The following DIP2A variants were observed in gnomAD, a reference collection of about 807,000 sequenced individuals.
DIP2A encodes disco-interacting protein 2 homolog A.
A neutral mutation model predicts 177.4 loss-of-function variants in DIP2A; 85 were observed. The observed-to-expected ratio is 0.48, with a 90% confidence interval of 0.40 to 0.57. The LOEUF is 0.57. DIP2A is among the 20% of genes least tolerant of loss of function. The probability of loss-of-function intolerance (pLI) is 0.00; values close to 1 mark genes in which losing one functional copy is unlikely to be tolerated. For missense variants in DIP2A, 1,791 were observed against 2,100.2 expected, an observed-to-expected ratio of 0.85 and a Z score of 2.88; for synonymous variants, 886 against 881.8, an observed-to-expected ratio of 1.00 and a Z score of -0.08.
chr21:46,473,147 C>A (rs2096640951), intron 1 of DIP2A, among the ~76,000 whole-genome samples: 1 of 152,034 alleles, frequency 6.6e-6, no homozygotes, highest in African/African-American at 2.4e-5. Context: ...CTGCTCTCGA[C>A]AAAGGAGAGA....
At chr21:46,509,012 C>T (rs910578272) in intron 6 of DIP2A, among the ~76,000 whole-genome samples, 4 of 151,590 alleles carry the variant, frequency 2.6e-5, no homozygotes, top group South Asian at 4.2e-4. Flanking sequence ...AGTGAGTCTC[C>T]GTCTAAAGCA....
intron 8 of DIP2A, among the ~76,000 whole-genome samples, chr21:46,523,393 A>ATTTTTTT (rs61370008): frequency 2.5e-3 from 229 of 89,852 alleles, no homozygotes; most frequent in Middle Eastern, 0.011. Flanking sequence ...CGCCTGGCTA[A>ATTTTTTT]TTTTTTTTTT....
the DIP2A span, among the ~76,000 whole-genome samples, chr21:46,583,219 A>T: frequency 6.6e-6 from 1 of 152,218 alleles, no homozygotes; most frequent in South Asian, 2.1e-4. Flanking sequence ...TATGCACCCA[A>T]CAACAAAACA....
Position 46,563,247 on chromosome 21 carries a change from A to G in DIP2A, c.4090-611A>G, listed in dbSNP as rs1601860526. Among the ~76,000 whole-genome samples the G allele has an allele frequency of 6.6e-6, 1 of 152,234 alleles. No individual in the cohort carries two copies. Among genetic ancestry groups the G allele is most frequent in the East Asian group, 1.9e-4 (1 of 5,170 alleles). On this transcript the variant is annotated intron_variant, in intron 34 of 37. Coordinates refer to ENST00000417564, the MANE Select transcript of DIP2A (RefSeq NM_015151.4). The surrounding 1 kb of genome is among the most constrained non-coding windows in gnomAD (Gnocchi z 4.3). ...TTGCCTGCCCTGAGCCTGCAGTGTC[A>G]TTGCCCCCATTTCATACGTGAGGAA...
Position 46,567,646 on chromosome 21 carries a change from C to T in DIP2A, c.*24C>T, listed in dbSNP as rs199589559. 174 of 1,556,552 alleles carry T rather than the reference C, an allele frequency of 1.1e-4. No homozygotes were observed. In the East Asian group the frequency reaches 2.7e-3, roughly 24 times the overall value. ...GAGCGCAGCACACCGGCCCAGGTGCCGGAGATGAATGAGCCCCAGCAGTCC... is the reference window on the plus strand; with the variant it reads ...GAGCGCAGCACACCGGCCCAGGTGCTGGAGATGAATGAGCCCCAGCAGTCC... On this transcript the variant is annotated 3_prime_UTR_variant, in exon 38 of 38. Coordinates refer to ENST00000417564, the MANE Select transcript of DIP2A (RefSeq NM_015151.4).
intron 1 of DIP2A, among the ~76,000 whole-genome samples, chr21:46,466,094 T>C (rs1031730926): frequency 1.3e-5 from 2 of 152,208 alleles, no homozygotes; most frequent in African/African-American, 2.4e-5. Flanking sequence ...AGTTTCTCAA[T>C]AGTTAACGAC....
intron 20 of DIP2A, 100 bp from the exon 21 acceptor site, chr21:46,546,815 C>T: frequency 2.1e-6 from 3 of 1,396,122 alleles, no homozygotes; most frequent in Non-Finnish European, 3.0e-6. Flanking sequence ...GCTAGAGGCT[C>T]CTGTGCTGTT....
intron 5 of DIP2A, among the ~76,000 whole-genome samples, chr21:46,502,184 A>G (rs1312927096): frequency 6.6e-6 from 1 of 152,052 alleles, no homozygotes; most frequent in East Asian, 1.9e-4. Context: ...GGCCCGGGCT[A>G]GAGTGCAGCG....
At chr21:46,509,236 C>G (rs771554506) in intron 6 of DIP2A, 21 bp from the exon 7 acceptor site, 55 of 1,606,446 alleles carry the variant, frequency 3.4e-5, no homozygotes, top group Non-Finnish European at 4.1e-5. Context: ...CCTCAGTGCT[C>G]CTCTGTCCTT....
At chr21:46,536,380 G>T (rs2059569907) in intron 13 of DIP2A, among the ~76,000 whole-genome samples, 1 of 152,218 alleles carries the variant, frequency 6.6e-6, no homozygotes, top group African/African-American at 2.4e-5. Context: ...AGCTTCCTAA[G>T]ATGTGTTAGC....
At chr21:46,533,679 T>A in intron 11 of DIP2A, 32 bp downstream of exon 11, 3 of 1,613,712 alleles carry the variant, frequency 1.9e-6, no homozygotes, top group South Asian at 2.2e-5. Context: ...GGAGTCAGTG[T>A]TCTGACTGTG....
At chr21:46,508,537 T>G (rs2058139889) in intron 6 of DIP2A, among the ~76,000 whole-genome samples, 1 of 150,460 alleles carries the variant, frequency 6.6e-6, no homozygotes, top group Non-Finnish European at 1.5e-5. Context: ...TTTTTGTATT[T>G]TTAGTAAAGA....
At position 46,554,277 on chromosome 21, in the gene DIP2A, C is replaced by G; in HGVS notation, c.3139C>G (p.Leu1047Val). 3 of 1,613,926 alleles carry G rather than the reference C, an allele frequency of 1.9e-6. No homozygotes were observed. The highest frequency in any genetic ancestry group is 2.5e-6 in the Non-Finnish European group (3 of 1,179,840). ...ACTGAGTGTTGGGGACCATGTGGCT[C>G]TGGTCTACCCACCAGGTGGGCTCAC... ...GRLSVGDHVA[L>V]VYPPGVDLIA... Residue 1047 changes from leucine to valine, a missense_variant, in exon 26 of 38, where the codon CTG becomes GTG. Coordinates refer to ENST00000417564, the MANE Select transcript of DIP2A (RefSeq NM_015151.4).
intron 32 of DIP2A, 35 bp downstream of exon 32, chr21:46,558,428 G>A (rs2060548726): frequency 6.5e-7 from 1 of 1,548,890 alleles, no homozygotes; most frequent in Non-Finnish European, 8.7e-7. Flanking sequence ...TCGAAAGCTG[G>A]CTGTTGGCAG....
intron 2 of DIP2A, among the ~76,000 whole-genome samples, chr21:46,489,920 C>T (rs1226022232): frequency 2.6e-5 from 4 of 152,102 alleles, no homozygotes; most frequent in Non-Finnish European, 4.4e-5. Flanking sequence ...GACCACTGCC[C>T]AGAGAGTGGA....
chr21:46,514,617 C>CTTTTTTTTTT (rs752628688), intron 8 of DIP2A, among the ~76,000 whole-genome samples: 371 of 69,824 alleles, frequency 5.3e-3, no homozygotes, highest in Non-Finnish European at 7.0e-3. Flanking sequence ...AACTTTTATT[C>CTTTTTTTTTT]TTTTTTTTTT....
In DIP2A at chr21:46,498,548, G is replaced by C. The variant is rs768185536; in HGVS notation, c.404-34G>C. Reference sequence around the variant, plus strand: ...CTCCGTCCTCCTCTTGACTCATCCCGATATCATGCCTGTCATCGTTATTTT... The same window carrying C: ...CTCCGTCCTCCTCTTGACTCATCCCCATATCATGCCTGTCATCGTTATTTT... On this transcript the variant is annotated intron_variant, in intron 4 of 37. Transcript: ENST00000417564. This position sits in a 1 kb window ranked among gnomAD's most constrained non-coding sequence, Gnocchi z 4.3. 6.3e-7 allele frequency: 1 copy of C among 1,576,498 alleles called. No individual in the cohort carries two copies. The highest frequency in any genetic ancestry group is 8.6e-7 in the Non-Finnish European group (1 of 1,160,218).
chr21:46,511,707 C>A, intron 8 of DIP2A, 93 bp downstream of exon 8: 3 of 1,285,904 alleles, frequency 2.3e-6, no homozygotes, highest in South Asian at 1.7e-5. Context: ...ATAAATATTC[C>A]TGAGAAACCA....
intron 5 of DIP2A, among the ~76,000 whole-genome samples, chr21:46,499,845 A>G (rs780769307): frequency 6.6e-6 from 1 of 152,188 alleles, no homozygotes; most frequent in African/African-American, 2.4e-5. Context: ...CAGCGATTGT[A>G]ACTTGCTTGA....
Sources: allele counts gnomAD v4.1 joint callset (sites outside exome capture counted in the v4.1 genomes callset), GRCh38; gene constraint gnomAD v4.1.1; non-coding constraint Gnocchi (gnomAD v3.1); transcripts MANE v1.5; gene names NCBI Gene and HGNC (gene_info 2026-07-23, HGNC 2026-07-21).